The following QTMAN variants were observed in gnomAD, a reference collection of about 807,000 sequenced individuals.
QTMAN encodes the protein queuosine-tRNA mannosyltransferase, also known as tRNA-queuosine alpha-mannosyltransferase.
At chr2:143,987,192 C>A in the QTMAN span, among the ~76,000 whole-genome samples, 1 of 152,112 alleles carries the variant, frequency 6.6e-6, no homozygotes, top group African/African-American at 2.4e-5. Context: ...CAAGTAGGGT[C>A]TAGGGATATC....
the QTMAN span, among the ~76,000 whole-genome samples, chr2:144,245,542 C>T: frequency 2.0e-5 from 3 of 152,136 alleles, no homozygotes; most frequent in Non-Finnish European, 2.9e-5. Flanking sequence ...TAAGAAAATG[C>T]TAGGAAATGA....
chr2:144,239,158 T>TA, the QTMAN span, among the ~76,000 whole-genome samples: 101 of 131,420 alleles, frequency 7.7e-4, no homozygotes, highest in African/African-American at 2.4e-3. Context: ...TACGCACTGT[T>TA]AAAAAAAAGA....
chr2:144,181,111 C>G, the QTMAN span, among the ~76,000 whole-genome samples: 1 of 152,122 alleles, frequency 6.6e-6, no homozygotes, highest in African/African-American at 2.4e-5. Context: ...ATCTGTTTGG[C>G]TCTAAGCTTT....
At chr2:144,168,286 T>C in the QTMAN span, among the ~76,000 whole-genome samples, 1 of 152,182 alleles carries the variant, frequency 6.6e-6, no homozygotes, top group Non-Finnish European at 1.5e-5. Flanking sequence ...CTTCTGCAGC[T>C]CAAGGATATA....
chr2:144,253,038 C>A, the QTMAN span, among the ~76,000 whole-genome samples: 1 of 152,068 alleles, frequency 6.6e-6, no homozygotes, highest in Non-Finnish European at 1.5e-5. Context: ...GTGGGAGGAG[C>A]CTGGTGGGAG....
chr2:143,957,039 A>G, the QTMAN span, among the ~76,000 whole-genome samples: 1 of 152,214 alleles, frequency 6.6e-6, no homozygotes, highest in Non-Finnish European at 1.5e-5. Flanking sequence ...TACCTTAACA[A>G]TCACCAAAAA....
the QTMAN span, chr2:143,970,836 C>T: frequency 2.4e-6 from 2 of 817,076 alleles, no homozygotes; most frequent in East Asian, 2.5e-5. Flanking sequence ...TCACTTCCTA[C>T]AGTATCAATT....
the QTMAN span, among the ~76,000 whole-genome samples, chr2:144,067,673 G>A: frequency 6.6e-5 from 10 of 152,322 alleles, no homozygotes; most frequent in East Asian, 1.5e-3. Context: ...GAAGAAGGTG[G>A]CAGCTGGGAG....
chr2:144,103,505 A>T, the QTMAN span, among the ~76,000 whole-genome samples: 1 of 152,240 alleles, frequency 6.6e-6, no homozygotes, highest in Non-Finnish European at 1.5e-5. Context: ...CTCTATTTAC[A>T]TAACAATTTT....
At chr2:144,157,091 GA>G in the QTMAN span, among the ~76,000 whole-genome samples, 31 of 152,150 alleles carry the variant, frequency 2.0e-4, no homozygotes, top group African/African-American at 7.2e-4. Context: ...ACGTTTCAAT[GA>G]AAATGCTCTC....
At chr2:144,079,396 A>G in the QTMAN span, among the ~76,000 whole-genome samples, 1 of 152,152 alleles carries the variant, frequency 6.6e-6, no homozygotes, top group Non-Finnish European at 1.5e-5. Context: ...AATATGTTAA[A>G]CTAGATCATA....
the QTMAN span, among the ~76,000 whole-genome samples, chr2:144,116,689 A>G: frequency 1.9e-4 from 29 of 152,172 alleles, no homozygotes; most frequent in Non-Finnish European, 1.5e-5. Flanking sequence ...TCTACTCCTG[A>G]TTTTTTGTAT....
the QTMAN span, among the ~76,000 whole-genome samples, chr2:144,180,011 A>T: frequency 5.9e-5 from 9 of 152,334 alleles, no homozygotes; most frequent in African/African-American, 1.7e-4. Flanking sequence ...CTCATTCACA[A>T]GAACTGTAAC....
chr2:144,047,930 T>C, the QTMAN span, among the ~76,000 whole-genome samples: 1 of 152,230 alleles, frequency 6.6e-6, no homozygotes, highest in Non-Finnish European at 1.5e-5. Context: ...ATTGAAGAAA[T>C]TACCAAATCA....
the QTMAN span, among the ~76,000 whole-genome samples, chr2:144,144,259 G>C: frequency 6.6e-6 from 1 of 151,874 alleles, no homozygotes; most frequent in Non-Finnish European, 1.5e-5. Context: ...TAAAAATCCA[G>C]TCTATGCTAA....
chr2:144,126,889 A>G, the QTMAN span, among the ~76,000 whole-genome samples: 1 of 152,048 alleles, frequency 6.6e-6, no homozygotes, highest in Non-Finnish European at 1.5e-5. Flanking sequence ...CTTTTTGGTA[A>G]TAACTAGAAG....
the QTMAN span, among the ~76,000 whole-genome samples, chr2:144,097,597 T>G: frequency 6.6e-6 from 1 of 152,310 alleles, no homozygotes; most frequent in Non-Finnish European, 1.5e-5. Context: ...ACGATCTTGA[T>G]GTCATACACA....
At chr2:144,000,183 T>C in the QTMAN span, among the ~76,000 whole-genome samples, 1 of 152,060 alleles carries the variant, frequency 6.6e-6, no homozygotes. Flanking sequence ...TAGATTCCCA[T>C]AGATTAATCT....
At chr2:144,320,145 T>C in the QTMAN span, among the ~76,000 whole-genome samples, 1 of 152,324 alleles carries the variant, frequency 6.6e-6, no homozygotes, top group South Asian at 2.1e-4. Context: ...TCCACTTCCA[T>C]AAATAAGGCT....
Sources: allele counts gnomAD v4.1 joint callset (sites outside exome capture counted in the v4.1 genomes callset), GRCh38; gene constraint gnomAD v4.1.1; transcripts MANE v1.5; gene names NCBI Gene and HGNC (gene_info 2026-07-23, HGNC 2026-07-21).